Variants in SNTG1 observed in about 807,000 individuals in gnomAD.
The protein encoded by SNTG1 is syntrophin gamma 1.
SNTG1 carries 39 observed loss-of-function variants against 74.7 expected under a neutral mutation model. That is an observed-to-expected ratio of 0.52 (90% CI 0.40 to 0.68). The LOEUF (loss-of-function observed/expected upper bound fraction) is 0.68, where lower values mean the gene tolerates loss of function less well. Among genes scored for constraint, SNTG1 ranks in the 30% least tolerant of loss-of-function variants. The probability of loss-of-function intolerance (pLI) is 0.00; values close to 1 mark genes in which losing one functional copy is unlikely to be tolerated. For missense variants in SNTG1, 685 were observed against 609.5 expected (o/e 1.12, Z -1.30); for synonymous variants, 254 against 217.1 (o/e 1.17, Z -1.49).
At chr8:50,789,520 G>A (rs1185129580) in intron 18 of SNTG1, among the ~76,000 whole-genome samples, 1 of 151,876 alleles carries the variant, frequency 6.6e-6, no homozygotes, top group East Asian at 1.9e-4. Context: ...ACTAATATAT[G>A]CAGTTCTCCA....
At chr8:50,472,471 T>C (rs1204416604) in intron 8 of SNTG1, among the ~76,000 whole-genome samples, 2 of 152,112 alleles carry the variant, frequency 1.3e-5, no homozygotes, top group African/African-American at 4.8e-5. Context: ...GATATCTATA[T>C]GTGAAAAAAT....
At position 50,495,177 on chromosome 8, in the gene SNTG1, C is replaced by T. The variant is rs577482779; in HGVS notation, c.364-7601C>T. On this transcript the variant is annotated intron_variant, in intron 8 of 18. Coordinates refer to ENST00000642720, the MANE Select transcript of SNTG1 (RefSeq NM_018967.5). ...TCTTGTTGGGACTTTTCATTTTAAA[C>T]GACATAAAATTTAGACTAGAAATGC... Among the ~76,000 whole-genome samples, 103 of 152,036 alleles carry T rather than the reference C, an allele frequency of 6.8e-4. 2 individuals are homozygous for T. Among genetic ancestry groups the T allele is most frequent in the Middle Eastern group, 3.4e-3 (1 of 294 alleles).
chr8:50,649,606 T>C (rs2095131997), intron 13 of SNTG1, among the ~76,000 whole-genome samples: 2 of 152,198 alleles, frequency 1.3e-5, no homozygotes, highest in Admixed American at 6.5e-5. Context: ...GTAGCCTCTT[T>C]GGAAGATAAA....
At chr8:50,668,639 G>T (rs940772058) in intron 15 of SNTG1, among the ~76,000 whole-genome samples, 1 of 151,204 alleles carries the variant, frequency 6.6e-6, no homozygotes, top group Non-Finnish European at 1.5e-5. Context: ...GTCCTCTAAG[G>T]TACCTCCCCT....
chr8:50,127,854 A>G (rs10096183), intron 1 of SNTG1, among the ~76,000 whole-genome samples: 246 of 152,216 alleles, frequency 1.6e-3, no homozygotes, highest in African/African-American at 5.8e-3. Flanking sequence ...TGCAAGTCCA[A>G]TTGTTTTGTT....
chr8:50,025,443 G>A (rs1817182305), intron 1 of SNTG1, among the ~76,000 whole-genome samples: 1 of 152,080 alleles, frequency 6.6e-6, no homozygotes, highest in African/African-American at 2.4e-5. Flanking sequence ...AAGCTAAGAA[G>A]TCTAGTACTA....
intron 2 of SNTG1, among the ~76,000 whole-genome samples, chr8:50,225,350 C>A (rs2085276426): frequency 6.6e-6 from 1 of 152,142 alleles, no homozygotes; most frequent in Non-Finnish European, 1.5e-5. Context: ...CTTATCTTAA[C>A]CCAGACACTT....
At chr8:50,439,409 C>T (rs551648222) in intron 5 of SNTG1, among the ~76,000 whole-genome samples, 2 of 151,924 alleles carry the variant, frequency 1.3e-5, no homozygotes, top group African/African-American at 4.8e-5. Context: ...AATTTCAACA[C>T]AACTCATGTC....
chr8:50,651,227 T>C (rs2095143505), intron 13 of SNTG1, among the ~76,000 whole-genome samples: 1 of 152,010 alleles, frequency 6.6e-6, no homozygotes, highest in Non-Finnish European at 1.5e-5. Context: ...ACTTCCTTTT[T>C]TTTTGTTTTA....
chr8:50,551,296 G>C (rs570661018), intron 11 of SNTG1, among the ~76,000 whole-genome samples: 61 of 152,200 alleles, frequency 4.0e-4, no homozygotes, highest in African/African-American at 1.5e-3. Context: ...AATGTAAAAA[G>C]TGATATGTAT....
At chr8:50,768,150 C>T (rs1220442103) in intron 18 of SNTG1, among the ~76,000 whole-genome samples, 2 of 151,938 alleles carry the variant, frequency 1.3e-5, no homozygotes, top group Non-Finnish European at 2.9e-5. Context: ...CAAGTCCCCA[C>T]CATCTCAGGT....
At chr8:50,357,893 C>T (rs1277614006) in intron 2 of SNTG1, among the ~76,000 whole-genome samples, 1 of 152,166 alleles carries the variant, frequency 6.6e-6, no homozygotes, top group Non-Finnish European at 1.5e-5. Flanking sequence ...CATTTCTTGT[C>T]AATAATCCAG....
chr8:50,029,811 G>A (rs1817592447), intron 1 of SNTG1, among the ~76,000 whole-genome samples: 2 of 152,094 alleles, frequency 1.3e-5, no homozygotes, highest in Non-Finnish European at 2.9e-5. Flanking sequence ...AATAAACACA[G>A]GAGCGTAGAT....
At chr8:50,299,972 T>A (rs1273769951) in intron 2 of SNTG1, among the ~76,000 whole-genome samples, 1 of 152,204 alleles carries the variant, frequency 6.6e-6, no homozygotes, top group Non-Finnish European at 1.5e-5. Flanking sequence ...AATTAATTCA[T>A]ATAGAACAGT....
intron 18 of SNTG1, among the ~76,000 whole-genome samples, chr8:50,780,022 C>T (rs1423906202): frequency 2.0e-5 from 3 of 152,042 alleles, no homozygotes; most frequent in Admixed American, 2.0e-4. Context: ...TTTGTGTATA[C>T]TGAAGCAGCC....
intron 2 of SNTG1, among the ~76,000 whole-genome samples, chr8:50,278,513 T>C (rs1450619212): frequency 6.6e-6 from 1 of 152,194 alleles, no homozygotes; most frequent in East Asian, 1.9e-4. Flanking sequence ...GGACTCTTTA[T>C]GACATACAAA....
chr8:50,689,171 A>G (rs1045221557), intron 15 of SNTG1, among the ~76,000 whole-genome samples: 3 of 151,856 alleles, frequency 2.0e-5, no homozygotes, highest in Non-Finnish European at 2.9e-5. Flanking sequence ...GGGGTTTTCT[A>G]GATATACAAT....
At chr8:49,929,652 A>G (rs909799756) in intron 1 of SNTG1, among the ~76,000 whole-genome samples, 1 of 152,136 alleles carries the variant, frequency 6.6e-6, no homozygotes, top group Non-Finnish European at 1.5e-5. Context: ...CTGACACTGG[A>G]TGAGATCCCT....
intron 2 of SNTG1, among the ~76,000 whole-genome samples, chr8:50,342,508 G>T (rs28616251): frequency 6.6e-6 from 1 of 152,026 alleles, no homozygotes; most frequent in East Asian, 1.9e-4. Context: ...AAAATGTTTT[G>T]CTAAGTAAGG....
Sources: allele counts gnomAD v4.1 joint callset (sites outside exome capture counted in the v4.1 genomes callset), GRCh38; gene constraint gnomAD v4.1.1; transcripts MANE v1.5; gene names NCBI Gene and HGNC (gene_info 2026-07-23, HGNC 2026-07-21).